TRANK1: variants seen among roughly 807,000 people sequenced by gnomAD.
TRANK1 encodes TPR and ankyrin repeat-containing protein 1.
TRANK1 carries 198 observed loss-of-function variants against 266.0 expected under a neutral mutation model. The ratio of observed to expected loss-of-function variants is 0.74; its 90% CI spans 0.66 to 0.84. The LOEUF is 0.84. Among genes scored for constraint, TRANK1 ranks in the 40% least tolerant of loss-of-function variants. The pLI, the probability that TRANK1 is intolerant of heterozygous loss-of-function variation, is 0.00. For missense variants in TRANK1, 3,326 were observed against 3,634.6 expected (o/e 0.92, Z 2.18); for synonymous variants, 1,396 against 1,384.1 (o/e 1.01, Z -0.19).
chr3:36,892,240 T>C lies in TRANK1; in HGVS notation c.737A>G (p.Tyr246Cys). ...GAGTCGCATGAGGGCATGAAGGGGA[T>C]ACGGTCCTATAGTCTCAACACTTGC... Reference protein sequence around the residue: ...IGASVETIGPYPLHALMRLCI... With the variant: ...IGASVETIGPCPLHALMRLCI... The change falls in exon 7 of 24, where the codon TAT becomes TGT. Residue 246 changes from tyrosine (Y) to cysteine (C), a missense_variant. Physicochemically the swap from Tyr to Cys is radical, Grantham distance 194. Transcript: ENST00000645898. The C allele has an allele frequency of 6.5e-7, 1 of 1,537,144 alleles. No homozygotes were observed. The highest frequency in any genetic ancestry group is 8.7e-7 in the Non-Finnish European group (1 of 1,146,876).
At chr3:36,919,562 T>C (rs1268087116) in intron 1 of TRANK1, among the ~76,000 whole-genome samples, 4 of 152,246 alleles carry the variant, frequency 2.6e-5, no homozygotes, top group Admixed American at 6.5e-5. Flanking sequence ...TTGAGACAAC[T>C]GTGAATAAAG....
rs913677261 is a variant in TRANK1 at position 36,847,066 on chromosome 3, T to G, written c.5034+134A>C. On this transcript the variant is annotated intron_variant, in intron 16 of 23. Coordinates refer to ENST00000645898, the MANE Select transcript of TRANK1 (RefSeq NM_001329998.2). The stretch of plus-strand genomic sequence containing the variant: ...AAAACTGAGATCCCTGCCCCTTCCT[T>G]TCTTATCCTCAATTCCCCGTTGCTG... 3.5e-6 allele frequency: 4 copies of G among 1,133,854 alleles called. No individual in the cohort carries two copies. In the African/African-American group the frequency reaches 4.7e-5, roughly 13 times the overall value. 70.2% of individuals were successfully genotyped at this position (1,133,854 alleles called of 1,614,324 possible). A position where few individuals can be genotyped will look rare whatever the true frequency, so the allele number is the denominator to read the frequency against.
rs1335065875 is a variant in TRANK1 at position 36,831,722 on chromosome 3, C to A, written c.7861G>T (p.Ala2621Ser). 1.2e-6 allele frequency: 2 copies of A among 1,613,982 alleles called. No homozygotes were observed. Among genetic ancestry groups the A allele is most frequent in the East Asian group, 4.5e-5 (2 of 44,876 alleles). The stretch of plus-strand genomic sequence containing the variant: ...TCAGCCACAGACTTCACATTGACTG[C>A]CACCAAGACCCGCTTCACCACCTTC... Reference protein sequence around the residue: ...LLKVVKRVLVAVNVKSVAEAL... With the variant: ...LLKVVKRVLVSVNVKSVAEAL... Residue 2621 changes from alanine (A) to serine (S), a missense_variant, in exon 22 of 24, where the codon GCA becomes TCA. Coordinates refer to ENST00000645898, the MANE Select transcript of TRANK1 (RefSeq NM_001329998.2). The surrounding 1 kb of genome is among the most constrained non-coding windows in gnomAD (Gnocchi z 5.0).
At position 36,856,386 on chromosome 3, in the gene TRANK1, C is replaced by A. The variant is rs751827263; in HGVS notation, c.3336G>T (p.Gln1112His). The change falls in exon 13 of 24, where the codon CAG becomes CAT. Residue 1112 changes from glutamine (Q) to histidine (H), a missense_variant. Coordinates refer to ENST00000645898, the MANE Select transcript of TRANK1 (RefSeq NM_001329998.2). The part of the protein sequence containing the change: ...EQAGSPLLAK[Q>H]VWLKRRLEVE... The stretch of plus-strand genomic sequence containing the variant: ...CTTCCAACCTTCTCTTCAGCCAGAC[C>A]TGTTTGGCCAGCAATGGGCTTCCTG... The A allele has an allele frequency of 6.3e-7, 1 of 1,599,294 alleles. No homozygotes were observed. Among genetic ancestry groups the A allele is most frequent in the Non-Finnish European group, 8.5e-7 (1 of 1,172,700 alleles).
Position 36,857,351 on chromosome 3 carries a change from C to T in TRANK1, c.2371G>A (p.Ala791Thr), listed in dbSNP as rs1349466267. ...PDCSEVGEGH[A>T]QVGLGALQLV... ...TGCAAGGCCCCAAGGCCCACCTGAG[C>T]ATGTCCTTCCCCCACCTCACTACAG... Residue 791 changes from alanine (A) to threonine (T), a missense_variant, in exon 13 of 24, where the codon GCT (alanine) becomes ACT (threonine). Ala to Thr is a moderately conservative substitution (Grantham distance 58). Transcript: ENST00000645898. This position sits in a 1 kb window ranked among gnomAD's most constrained non-coding sequence, Gnocchi z 4.3. 3.7e-6 allele frequency: 6 copies of T among 1,606,580 alleles called. No individual in the cohort carries two copies. The highest frequency in any genetic ancestry group is 5.1e-6 in the Non-Finnish European group (6 of 1,176,560).
chr3:36,856,591 G>C lies in TRANK1; in HGVS notation c.3131C>G (p.Thr1044Arg). The stretch of plus-strand genomic sequence containing the variant: ...GAAGGGGTACTCCACTGTGGCTGTC[G>C]TGTCATTGAGGATGTTAAAGGCCAT... ...TNMAFNILND[T>R]TATVEYPFRV... is the part of the protein sequence containing the mutation. The change falls in exon 13 of 24, where the codon ACG (threonine) becomes AGG (arginine). Residue 1044 changes from threonine to arginine, a missense_variant. Transcript: ENST00000645898. The C allele has an allele frequency of 1.2e-6, 2 of 1,613,986 alleles. No individual in the cohort carries two copies. The highest frequency in any genetic ancestry group is 1.3e-5 in the African/African-American group (1 of 75,052).
intron 18 of TRANK1, 146 bp downstream of exon 18, chr3:36,842,476 T>C (rs1301561633): frequency 1.4e-6 from 1 of 702,692 alleles, no homozygotes; most frequent in Non-Finnish European, 2.5e-6. Context: ...TCTCCTCATC[T>C]TGAGGTGACC....
At position 36,858,863 on chromosome 3, in the gene TRANK1, C is replaced by T. The variant is rs552432748; in HGVS notation, c.1527G>A (p.Glu509=). Residue 509 remains glutamate, a synonymous_variant, in exon 12 of 24, where the codon GAG becomes GAA. Transcript: ENST00000645898. ...GTTTCAGGCACGTGACAACTGGCCTCTCCTGGCTCTCCTGAAGACCATCAG... is the reference window on the plus strand; with the variant it reads ...GTTTCAGGCACGTGACAACTGGCCTTTCCTGGCTCTCCTGAAGACCATCAG... ...ALPDGLQESQ[E]RPVVTCLKHE... 2.6e-6 allele frequency: 4 copies of T among 1,536,832 alleles called. No individual in the cohort carries two copies. The East Asian group carries it at 9.8e-5, about 38-fold the overall frequency.
At chr3:36,846,114 C>T (rs906752630) in intron 17 of TRANK1, 134 bp downstream of exon 17, 12 of 1,028,362 alleles carry the variant, frequency 1.2e-5, no homozygotes, top group East Asian at 2.7e-5. Flanking sequence ...TGTGTAACAA[C>T]TTCCATTTCT....
chr3:36,918,357 G>T (rs747003270), intron 1 of TRANK1, among the ~76,000 whole-genome samples: 46 of 151,478 alleles, frequency 3.0e-4, no homozygotes, highest in Middle Eastern at 3.4e-3. Flanking sequence ...TAACACTGCC[G>T]AACTATACAT....
chr3:36,880,264 C>A, intron 8 of TRANK1: 1 of 335,832 alleles, frequency 3.0e-6, no homozygotes, highest in Non-Finnish European at 6.3e-6. Context: ...ACACTTGTCT[C>A]TTTTGCCAGC....
chr3:36,838,580 G>A (rs368890005), intron 19 of TRANK1, 33 bp downstream of exon 19: 14 of 1,613,814 alleles, frequency 8.7e-6, no homozygotes, highest in Admixed American at 5.0e-5. Context: ...TACTCCCATC[G>A]GAGCAAACCA....
At chr3:36,863,460 C>G (rs186630478) in intron 10 of TRANK1, among the ~76,000 whole-genome samples, 139 of 152,190 alleles carry the variant, frequency 9.1e-4, no homozygotes, top group African/African-American at 3.2e-3. Flanking sequence ...ACAAAATGGC[C>G]CCATCCTAGA....
At chr3:36,852,389 G>T in intron 13 of TRANK1, 44 bp from the exon 14 acceptor site, 1 of 1,495,122 alleles carries the variant, frequency 6.7e-7, no homozygotes, top group Non-Finnish European at 8.9e-7. Flanking sequence ...TAACAACATG[G>T]CTGAGTTTTT....
chr3:36,943,055 A>G (rs1250071299), intron 1 of TRANK1, among the ~76,000 whole-genome samples: 1 of 150,098 alleles, frequency 6.7e-6, no homozygotes, highest in Non-Finnish European at 1.5e-5. Flanking sequence ...GTGGCGCCCC[A>G]CCCCCGGCCC....
intron 10 of TRANK1, among the ~76,000 whole-genome samples, chr3:36,863,805 C>T (rs1012858192): frequency 2.0e-5 from 3 of 152,160 alleles, no homozygotes; most frequent in Admixed American, 1.3e-4. Flanking sequence ...TCTGGCCATG[C>T]CTTCTTGCAC....
In TRANK1 at chr3:36,892,360, A is replaced by G. The variant is rs1188581604; in HGVS notation, c.637-20T>C. The stretch of plus-strand genomic sequence containing the variant: ...GTATTTCTGGGGAAAAAAAACACAC[A>G]GGACAAATTATGGAAGTCACTAATC... On this transcript the variant is annotated intron_variant, in intron 6 of 23. Coordinates refer to ENST00000645898, the MANE Select transcript of TRANK1 (RefSeq NM_001329998.2). 6.5e-7 allele frequency: 1 copy of G among 1,536,954 alleles called. No homozygotes were observed. The highest frequency in any genetic ancestry group is 2.0e-5 in the Admixed American group (1 of 50,966).
At chr3:36,875,591 T>A (rs1215371173) in intron 8 of TRANK1, among the ~76,000 whole-genome samples, 1 of 152,202 alleles carries the variant, frequency 6.6e-6, no homozygotes, top group East Asian at 1.9e-4. Context: ...AATAAATGGG[T>A]GTTGTTTCAA....
At position 36,857,255 on chromosome 3, in the gene TRANK1, C is replaced by T. The variant is rs2079069463; in HGVS notation, c.2467G>A (p.Glu823Lys). Residue 823 changes from glutamate (E) to lysine (K), a missense_variant, in exon 13 of 24, where the codon GAG becomes AAG. Physicochemically the swap from Glu to Lys is moderately conservative, Grantham distance 56 (BLOSUM62 1). Transcript: ENST00000645898. This position sits in a 1 kb window ranked among gnomAD's most constrained non-coding sequence, Gnocchi z 4.3. ...TTATCGAAGTCCTGGAGGCAGGCCT[C>T]AATCTCCTGCGTGCTCCAGTCATCC... The part of the protein sequence containing the change: ...DQDDWSTQEI[E>K]ACLQDFDNMT... 1.2e-6 allele frequency: 2 copies of T among 1,612,120 alleles called. No individual in the cohort carries two copies. Among genetic ancestry groups the T allele is most frequent in the Non-Finnish European group, 1.7e-6 (2 of 1,178,924 alleles).
Sources: gnomAD v4.1 joint callset for allele counts (sites outside exome capture counted in the v4.1 genomes callset) on GRCh38, gnomAD v4.1.1 for gene constraint, Gnocchi (gnomAD v3.1) non-coding constraint, MANE v1.5 for transcripts, NCBI Gene and HGNC (gene_info 2026-07-23, HGNC 2026-07-21) for gene names.